RALGAPA1: variants seen among roughly 807,000 people sequenced by gnomAD.
The protein encoded by RALGAPA1 is ral GTPase-activating protein subunit alpha-1.
RALGAPA1 carries 52 observed loss-of-function variants against 269.6 expected under a neutral mutation model. The ratio of observed to expected loss-of-function variants is 0.19; its 90% CI spans 0.15 to 0.24. RALGAPA1 has a LOEUF of 0.24. RALGAPA1 is among the 10% of genes least tolerant of loss of function. The pLI, the probability that RALGAPA1 is intolerant of heterozygous loss-of-function variation, is 1.00. For synonymous variants in RALGAPA1, 817 were observed against 1,008.3 expected (o/e 0.81, Z 3.60); for missense variants, 1,917 against 3,013.9 (o/e 0.64, Z 8.52).
chr14:35,610,225 T>C (rs1416664956), intron 35 of RALGAPA1, among the ~76,000 whole-genome samples: 2 of 151,298 alleles, frequency 1.3e-5, no homozygotes, highest in African/African-American at 4.8e-5. Flanking sequence ...TATAAGCATT[T>C]GTATGCCAAC....
intron 39 of RALGAPA1, among the ~76,000 whole-genome samples, chr14:35,562,316 C>T (rs753657224): frequency 1.3e-3 from 202 of 152,216 alleles, no homozygotes; most frequent in Non-Finnish European, 2.7e-3. Context: ...GAAGTGTGAG[C>T]CTTCAGGGCT....
chr14:35,643,854 A>G (rs1257865571), intron 31 of RALGAPA1, among the ~76,000 whole-genome samples: 1 of 152,174 alleles, frequency 6.6e-6, no homozygotes, highest in African/African-American at 2.4e-5. Flanking sequence ...ACTCATGGAG[A>G]CAGAGAATAG....
chr14:35,806,810 T>C (rs1368364963), intron 1 of RALGAPA1, among the ~76,000 whole-genome samples: 7 of 152,234 alleles, frequency 4.6e-5, no homozygotes, highest in African/African-American at 1.2e-4. Context: ...CAAAATCAAA[T>C]ACCTGATTGG....
intron 24 of RALGAPA1, among the ~76,000 whole-genome samples, chr14:35,673,558 T>C (rs1231221622): frequency 6.6e-6 from 1 of 152,130 alleles, no homozygotes; most frequent in African/African-American, 2.4e-5. Context: ...AGGCCCTGTC[T>C]TTTAAAAAAC....
chr14:35,678,528 T>C (rs944078303), intron 21 of RALGAPA1, among the ~76,000 whole-genome samples: 6 of 152,146 alleles, frequency 3.9e-5, no homozygotes, highest in Non-Finnish European at 8.8e-5. Context: ...CAGCCTTCAG[T>C]CTCTCCCACA....
At chr14:35,618,220 T>C (rs1224627270) in intron 35 of RALGAPA1, among the ~76,000 whole-genome samples, 3 of 152,118 alleles carry the variant, frequency 2.0e-5, no homozygotes, top group African/African-American at 4.8e-5. Flanking sequence ...TAGTGGACTA[T>C]AACCGAACTC....
intron 12 of RALGAPA1, among the ~76,000 whole-genome samples, chr14:35,733,544 T>C (rs2070704030): frequency 6.6e-6 from 1 of 151,872 alleles, no homozygotes; most frequent in Admixed American, 6.6e-5. Context: ...TGACACAATC[T>C]ATCAAAACCT....
At chr14:35,731,721 C>T (rs1382231347) in intron 12 of RALGAPA1, among the ~76,000 whole-genome samples, 1 of 152,044 alleles carries the variant, frequency 6.6e-6, no homozygotes, top group African/African-American at 2.4e-5. Context: ...ACAAAGCCTC[C>T]AAGAAGTCTG....
At chr14:35,717,421 A>G (rs900287920) in intron 16 of RALGAPA1, among the ~76,000 whole-genome samples, 8 of 152,336 alleles carry the variant, frequency 5.3e-5, no homozygotes, top group African/African-American at 1.9e-4. Context: ...AAGTTCTGGG[A>G]TTACAGGCGT....
chr14:35,578,454 T>C (rs566486743), intron 37 of RALGAPA1, among the ~76,000 whole-genome samples: 87 of 152,300 alleles, frequency 5.7e-4, no homozygotes, highest in African/African-American at 1.9e-3. Flanking sequence ...AAACACTCTA[T>C]GATATAACCC....
intron 1 of RALGAPA1, among the ~76,000 whole-genome samples, chr14:35,791,888 G>C (rs1407828371): frequency 1.3e-4 from 14 of 111,998 alleles, no homozygotes; most frequent in African/African-American, 5.0e-4. Context: ...CTGGCCGACA[G>C]AGCGAGACTC....
chr14:35,611,986 T>C (rs2059963379), intron 35 of RALGAPA1, among the ~76,000 whole-genome samples: 1 of 152,206 alleles, frequency 6.6e-6, no homozygotes, highest in South Asian at 2.1e-4. Flanking sequence ...CTCATATTTA[T>C]AGTTAATTGC....
intron 27 of RALGAPA1, among the ~76,000 whole-genome samples, 187 bp from the exon 28 acceptor site, chr14:35,659,383 C>T (rs533208657): frequency 3.0e-4 from 46 of 151,986 alleles, no homozygotes; most frequent in Middle Eastern, 3.4e-3. Context: ...CAAAAGCATA[C>T]GTTCAAAAAA....
At chr14:35,551,310 T>C (rs2054981314) in intron 39 of RALGAPA1, among the ~76,000 whole-genome samples, 2 of 152,154 alleles carry the variant, frequency 1.3e-5, no homozygotes, top group South Asian at 2.1e-4. Context: ...AAGTGAAGTA[T>C]CTTGGTGGGC....
chr14:35,805,250 CCT>C (rs1465591694), intron 1 of RALGAPA1, among the ~76,000 whole-genome samples: 1 of 151,270 alleles, frequency 6.6e-6, no homozygotes, highest in Non-Finnish European at 1.5e-5. Flanking sequence ...ACAGTGAAAC[CCT>C]GTCTCTACTA....
At chr14:35,631,118 A>G (rs575144351) in intron 33 of RALGAPA1, among the ~76,000 whole-genome samples, 20 of 152,286 alleles carry the variant, frequency 1.3e-4, no homozygotes, top group East Asian at 1.9e-4. Flanking sequence ...ATAACCTAGA[A>G]TATAATAAAT....
At chr14:35,668,718 T>C (rs1056862834) in intron 26 of RALGAPA1, among the ~76,000 whole-genome samples, 2 of 152,016 alleles carry the variant, frequency 1.3e-5, no homozygotes, top group Admixed American at 6.5e-5. Context: ...TGTGGGAGGA[T>C]TGCTTAAGCC....
At chr14:35,669,369 G>A (rs944570296) in intron 26 of RALGAPA1, among the ~76,000 whole-genome samples, 1 of 152,014 alleles carries the variant, frequency 6.6e-6, no homozygotes, top group African/African-American at 2.4e-5. Context: ...ATTCTCCTGT[G>A]TCAGCCTCCC....
At chr14:35,779,364 A>C (rs1234577907) in intron 1 of RALGAPA1, among the ~76,000 whole-genome samples, 1 of 152,010 alleles carries the variant, frequency 6.6e-6, no homozygotes, top group Non-Finnish European at 1.5e-5. Flanking sequence ...CATTTCTACA[A>C]AACTAAAAAA....
Sources: allele counts gnomAD v4.1 joint callset (sites outside exome capture counted in the v4.1 genomes callset), GRCh38; gene constraint gnomAD v4.1.1; transcripts MANE v1.5; gene names NCBI Gene and HGNC (gene_info 2026-07-23, HGNC 2026-07-21).